Variants in BCAS3 observed in about 807,000 individuals in gnomAD.
BCAS3 encodes the protein BCAS4/BCAS3 fusion.
A neutral mutation model predicts 116.1 loss-of-function variants in BCAS3; 53 were observed. The observed-to-expected ratio is 0.46, with a 90% confidence interval of 0.37 to 0.57. The LOEUF is 0.57. Among genes scored for constraint, BCAS3 ranks in the 20% least tolerant of loss-of-function variants. BCAS3 has a pLI of 0.00. For missense variants in BCAS3, 917 were observed against 1,165.4 expected (o/e 0.79, Z 3.10); for synonymous variants, 391 against 408.2 (o/e 0.96, Z 0.51).
Position 61,021,659 on chromosome 17 carries a change from T to A in BCAS3, c.1637+5758T>A, listed in dbSNP as rs1413997275. Among the ~76,000 whole-genome samples the A allele has an allele frequency of 6.6e-6, 1 of 152,220 alleles. No homozygotes were observed. The highest frequency in any genetic ancestry group is 2.4e-5 in the African/African-American group (1 of 41,458). ...GGACTGTTGAGCAGCCGTAAGCCAG[T>A]GCTGATGGGCTCAGGCCCCACTTAG... On this transcript the variant is annotated intron_variant, in intron 16 of 23. Coordinates refer to ENST00000407086, the MANE Select transcript of BCAS3 (RefSeq NM_017679.5). This position sits in a 1 kb window ranked among gnomAD's most constrained non-coding sequence, Gnocchi z 4.6.
chr17:61,100,659 G>A (rs988872404), intron 22 of BCAS3, among the ~76,000 whole-genome samples: 2 of 152,094 alleles, frequency 1.3e-5, no homozygotes, highest in East Asian at 1.9e-4. Flanking sequence ...CTCAGCAAAT[G>A]TTAATGAATT....
At chr17:60,918,794 G>A (rs550814145) in intron 12 of BCAS3, among the ~76,000 whole-genome samples, 1 of 150,886 alleles carries the variant, frequency 6.6e-6, no homozygotes, top group Non-Finnish European at 1.5e-5. Flanking sequence ...CCGGGTTTAC[G>A]GTATTCTCCT....
chr17:61,173,864 G>C (rs904577273), intron 22 of BCAS3, among the ~76,000 whole-genome samples: 1 of 152,154 alleles, frequency 6.6e-6, no homozygotes, highest in African/African-American at 2.4e-5. Flanking sequence ...CTAGGTGACA[G>C]AGTGAGACCC....
At chr17:60,714,612 C>G (rs975779447) in intron 5 of BCAS3, among the ~76,000 whole-genome samples, 8 of 152,092 alleles carry the variant, frequency 5.3e-5, no homozygotes, top group African/African-American at 1.9e-4. Flanking sequence ...GAGATTGCAC[C>G]ACGGTACTCT....
intron 6 of BCAS3, among the ~76,000 whole-genome samples, chr17:60,802,347 TACAC>T (rs954921009): frequency 7.4e-6 from 1 of 135,936 alleles, no homozygotes; most frequent in Non-Finnish European, 1.5e-5. Flanking sequence ...TAAATACAAA[TACAC>T]ACACATACAT....
rs2067179006 is a variant in BCAS3, at chr17:61,038,022, G to T, written c.1896G>T (p.Met632Ile). ...GTGACGACACACCACTGGAAATGAT[G>T]ACATCGCCTCGAGCCAGCTGGACTC... is the stretch of plus-strand genomic sequence containing the variant. ...KISDDTPLEM[M>I]TSPRASWTLV... The change falls in exon 18 of 24, where the codon ATG becomes ATT. Residue 632 changes from methionine (M) to isoleucine (I), a missense_variant. Met to Ile is a conservative substitution (Grantham distance 10). Transcript: ENST00000407086. 1.9e-6 allele frequency: 3 copies of T among 1,614,056 alleles called. No individual in the cohort carries two copies. The highest frequency in any genetic ancestry group is 2.5e-6 in the Non-Finnish European group (3 of 1,180,018).
At chr17:60,882,291 T>C (rs1311363476) in intron 9 of BCAS3, among the ~76,000 whole-genome samples, 10 of 151,034 alleles carry the variant, frequency 6.6e-5, no homozygotes, top group Non-Finnish European at 1.2e-4. Flanking sequence ...TGGGGTTGTT[T>C]GTTTTTTTCT....
intron 7 of BCAS3, among the ~76,000 whole-genome samples, chr17:60,841,115 TTAG>T (rs1368610427): frequency 6.6e-6 from 1 of 152,150 alleles, no homozygotes; most frequent in Non-Finnish European, 1.5e-5. Flanking sequence ...GGAACTTAAT[TTAG>T]TAGATTTAAA....
chr17:61,334,428 G>A (rs2056539763), intron 22 of BCAS3, among the ~76,000 whole-genome samples: 3 of 152,078 alleles, frequency 2.0e-5, no homozygotes, highest in Admixed American at 2.0e-4. Context: ...GCACTTTGGG[G>A]GGCCAAGACA....
chr17:61,177,656 T>C (rs557079623), intron 22 of BCAS3, among the ~76,000 whole-genome samples: 1 of 152,336 alleles, frequency 6.6e-6, no homozygotes, highest in African/African-American at 2.4e-5. Context: ...GGTGTATACA[T>C]ATGTTAAAAC....
chr17:60,968,432 G>A (rs1265856203), intron 14 of BCAS3, among the ~76,000 whole-genome samples: 2 of 152,054 alleles, frequency 1.3e-5, no homozygotes, highest in Non-Finnish European at 2.9e-5. Flanking sequence ...GACTCTCATT[G>A]TGTTGCCCTG....
intron 19 of BCAS3, among the ~76,000 whole-genome samples, chr17:61,043,100 C>T (rs994929138): frequency 6.6e-6 from 1 of 151,776 alleles, no homozygotes; most frequent in African/African-American, 2.4e-5. Flanking sequence ...CACAGTGGCT[C>T]ACGCCTGTAA....
chr17:60,982,411 G>A (rs1280828023), intron 14 of BCAS3, among the ~76,000 whole-genome samples: 4 of 152,138 alleles, frequency 2.6e-5, no homozygotes, highest in South Asian at 2.1e-4. Context: ...GGGCTTAAGC[G>A]ATCCTTCTAC....
In BCAS3 at chr17:61,346,022, T is replaced by C. The variant is rs1218441396; in HGVS notation, c.2426-22305T>C. 1.3e-5 allele frequency among the ~76,000 whole-genome samples: 2 copies of C among 152,142 alleles called. No individual in the cohort carries two copies. Among genetic ancestry groups the C allele is most frequent in the Non-Finnish European group, 2.9e-5 (2 of 68,032 alleles). On this transcript the variant is annotated intron_variant, in intron 22 of 23. Coordinates refer to ENST00000407086, the MANE Select transcript of BCAS3 (RefSeq NM_017679.5). The surrounding 1 kb of genome is among the most constrained non-coding windows in gnomAD (Gnocchi z 5.4). Reference sequence around the variant, plus strand: ...GTGTGCGGACTGGAGGTCAGTGAATTTAAGGCCAAAGGTGTTGGCTTGGTC... The same window carrying C: ...GTGTGCGGACTGGAGGTCAGTGAATCTAAGGCCAAAGGTGTTGGCTTGGTC...
chr17:60,726,061 A>T (rs999307487), intron 5 of BCAS3, among the ~76,000 whole-genome samples: 2 of 149,950 alleles, frequency 1.3e-5, no homozygotes, highest in Non-Finnish European at 1.5e-5. Flanking sequence ...ACACTTGGCT[A>T]ATTTTGTACT....
intron 7 of BCAS3, among the ~76,000 whole-genome samples, chr17:60,849,974 T>C (rs887061086): frequency 1.1e-4 from 16 of 152,094 alleles, no homozygotes; most frequent in African/African-American, 3.6e-4. Context: ...CCCAGGATGG[T>C]CTTGAACTTC....
chr17:61,076,770 A>G (rs1245792207), intron 20 of BCAS3, among the ~76,000 whole-genome samples: 1 of 152,196 alleles, frequency 6.6e-6, no homozygotes, highest in Non-Finnish European at 1.5e-5. Flanking sequence ...TAAAGTACAC[A>G]GAATGCTTTA....
At chr17:61,125,288 G>A (rs2075993552) in intron 22 of BCAS3, among the ~76,000 whole-genome samples, 1 of 152,154 alleles carries the variant, frequency 6.6e-6, no homozygotes, top group Admixed American at 6.5e-5. Flanking sequence ...TAAATTTTGT[G>A]AATTAGAGAA....
rs980646218 is a variant in BCAS3, at chr17:61,229,040, T to C, written c.2426-139287T>C. Among the ~76,000 whole-genome samples the C allele has an allele frequency of 6.6e-6, 1 of 152,212 alleles. No homozygotes were observed. The highest frequency in any genetic ancestry group is 2.4e-5 in the African/African-American group (1 of 41,452). ...GAAGAAAGTAAAACAGCCTTGCTTC[T>C]GAGATGGAGAAAGTTTTAGTTGTCT... On this transcript the variant is annotated intron_variant, in intron 22 of 23. Transcript: ENST00000407086. The surrounding 1 kb of genome is among the most constrained non-coding windows in gnomAD (Gnocchi z 4.4).
Sources: allele counts gnomAD v4.1 joint callset (sites outside exome capture counted in the v4.1 genomes callset), GRCh38; gene constraint gnomAD v4.1.1; non-coding constraint Gnocchi (gnomAD v3.1); transcripts MANE v1.5; gene names NCBI Gene and HGNC (gene_info 2026-07-23, HGNC 2026-07-21).